The following BCL7C variants were observed in gnomAD, a reference collection of about 807,000 sequenced individuals.
BCL7C encodes B-cell CLL/lymphoma 7 protein family member C.
BCL7C carries 8 observed loss-of-function variants against 26.2 expected under a neutral mutation model. That is an observed-to-expected ratio of 0.30 (90% CI 0.18 to 0.55). The LOEUF (loss-of-function observed/expected upper bound fraction) is 0.55, where lower values mean the gene tolerates loss of function less well. BCL7C is among the 20% of genes least tolerant of loss of function. The pLI is 0.93. For missense variants in BCL7C, 262 were observed against 298.5 expected (o/e 0.88, Z 0.90); for synonymous variants, 90 against 116.5 (o/e 0.77, Z 1.47).
chr16:30,867,184 C>T (rs935232556), intron 5 of BCL7C, among the ~76,000 whole-genome samples: 17 of 151,940 alleles, frequency 1.1e-4, no homozygotes, highest in African/African-American at 3.9e-4. Context: ...AAAAAAATTC[C>T]AGGCCCAAAA....
intron 5 of BCL7C, among the ~76,000 whole-genome samples, chr16:30,846,232 A>ATTTT (rs1310438425): frequency 6.9e-6 from 1 of 144,336 alleles, no homozygotes; most frequent in Admixed American, 7.0e-5. Context: ...TTATTTATTT[A>ATTTT]TTTATTTTTT....
Position 30,893,371 on chromosome 16 carries a change from C to T in BCL7C, c.93-81G>A, listed in dbSNP as rs1423541138. 8.8e-7 allele frequency: 1 copy of T among 1,134,726 alleles called. No homozygotes were observed. Among genetic ancestry groups the T allele is most frequent in the African/African-American group, 1.6e-5 (1 of 64,426 alleles). 70.3% of individuals were successfully genotyped at this position (1,134,726 alleles called of 1,614,324 possible). On this transcript the variant is annotated intron_variant, in intron 1 of 5. Transcript: ENST00000215115. This position sits in a 1 kb window ranked among gnomAD's most constrained non-coding sequence, Gnocchi z 5.2. ...AGGAGCTGGACACATCTGGGGGTAC[C>T]TGCAGAGGTTGAGGAGGCACAGGAG...
intron 5 of BCL7C, among the ~76,000 whole-genome samples, chr16:30,878,119 G>A (rs1330350229): frequency 6.6e-6 from 1 of 151,766 alleles, no homozygotes; most frequent in Non-Finnish European, 1.5e-5. Flanking sequence ...AGGTTGCAGT[G>A]ACCCAAGATC....
At chr16:30,891,703 G>A (rs781307945) in intron 4 of BCL7C, among the ~76,000 whole-genome samples, 2 of 152,098 alleles carry the variant, frequency 1.3e-5, no homozygotes, top group South Asian at 2.1e-4. Flanking sequence ...AGTGACTCAC[G>A]CCTATAATCC....
At chr16:30,842,396 G>C (rs1465798041) in intron 5 of BCL7C, among the ~76,000 whole-genome samples, 4 of 152,076 alleles carry the variant, frequency 2.6e-5, no homozygotes, top group Non-Finnish European at 5.9e-5. Flanking sequence ...GAGCACACTG[G>C]CCACTCAAGA....
At chr16:30,843,134 C>A (rs2054612721) in intron 5 of BCL7C, among the ~76,000 whole-genome samples, 2 of 152,280 alleles carry the variant, frequency 1.3e-5, no homozygotes, top group South Asian at 4.1e-4. Flanking sequence ...ACATAGCAAA[C>A]AATCAAACAT....
chr16:30,879,700 A>AAAAAAAAAAAAAAAAAAAAAAAAT (rs758573108), intron 5 of BCL7C, among the ~76,000 whole-genome samples: 1 of 135,004 alleles, frequency 7.4e-6, no homozygotes, highest in Non-Finnish European at 1.7e-5. Context: ...AAAAAAAAAA[A>AAAAAAAAAAAAAAAAAAAAAAAAT]AAAAAAAAAC....
At chr16:30,887,688 A>G (rs1427262157), downstream of BCL7C, 1 of 1,055,240 alleles carries the variant, frequency 9.5e-7, no homozygotes, top group Non-Finnish European at 1.3e-6. Context: ...TCACTACAGG[A>G]AGGTCCTCTC....
At chr16:30,849,238 A>G (rs950658907) in intron 5 of BCL7C, among the ~76,000 whole-genome samples, 1 of 151,792 alleles carries the variant, frequency 6.6e-6, no homozygotes, top group Admixed American at 6.6e-5. Context: ...TCTGCCTAAT[A>G]TTGTTGAATT....
chr16:30,854,155 G>A (rs918645488), intron 5 of BCL7C, among the ~76,000 whole-genome samples: 1 of 152,136 alleles, frequency 6.6e-6, no homozygotes, highest in East Asian at 1.9e-4. Context: ...ATGATCCATT[G>A]GTTGAAACAA....
chr16:30,859,682 G>A (rs1306586968), intron 5 of BCL7C, among the ~76,000 whole-genome samples: 8 of 152,088 alleles, frequency 5.3e-5, no homozygotes, highest in Non-Finnish European at 7.3e-5. Context: ...CCTTAAGAAG[G>A]TACTTTGTAA....
chr16:30,834,769 T>A lies in BCL7C; in HGVS notation c.*179A>T. On this transcript the variant is annotated 3_prime_UTR_variant, in exon 6 of 6. Transcript: ENST00000380317. This position sits in a 1 kb window ranked among gnomAD's most constrained non-coding sequence, Gnocchi z 4.3. Reference sequence around the variant, plus strand: ...CCCTTCCCATGCATTCGGGCGCCAGTGGCGAGCCAGATGGGTGCTGTGGCC... The same window carrying A: ...CCCTTCCCATGCATTCGGGCGCCAGAGGCGAGCCAGATGGGTGCTGTGGCC... 3.4e-6 allele frequency: 2 copies of A among 589,808 alleles called. No homozygotes were observed. The highest frequency in any genetic ancestry group is 5.7e-6 in the Non-Finnish European group (2 of 349,798). 36.5% of individuals were successfully genotyped at this position (589,808 alleles called of 1,614,324 possible).
Position 30,893,566 on chromosome 16 carries a change from C to T in BCL7C, c.93-276G>A, listed in dbSNP as rs1483204655. ...CGTGGCTATGGGCCTGGCCCGGGAT[C>T]AGAGCCCTGCAGATCCTGGGGCGCA... On this transcript the variant is annotated intron_variant, in intron 1 of 5. Coordinates refer to ENST00000215115, the MANE Select transcript of BCL7C (RefSeq NM_004765.4). This position sits in a 1 kb window ranked among gnomAD's most constrained non-coding sequence, Gnocchi z 5.2. Among the ~76,000 whole-genome samples, 1 of 152,020 alleles carries T rather than the reference C, an allele frequency of 6.6e-6. No individual in the cohort carries two copies. Among genetic ancestry groups the T allele is most frequent in the African/African-American group, 2.4e-5 (1 of 41,376 alleles).
At chr16:30,872,936 G>T (rs899365769) in intron 5 of BCL7C, among the ~76,000 whole-genome samples, 15 of 152,178 alleles carry the variant, frequency 9.9e-5, no homozygotes, top group Admixed American at 5.2e-4. Flanking sequence ...TGATGACCTG[G>T]AGAACCGTAA....
intron 5 of BCL7C, among the ~76,000 whole-genome samples, chr16:30,844,564 G>A (rs2054623130): frequency 6.6e-6 from 1 of 152,090 alleles, no homozygotes; most frequent in South Asian, 2.1e-4. Flanking sequence ...TGTGATAGGT[G>A]TCATCACCCT....
chr16:30,861,894 C>T (rs1427121901), intron 5 of BCL7C, among the ~76,000 whole-genome samples: 4 of 117,036 alleles, frequency 3.4e-5, no homozygotes, highest in East Asian at 2.9e-4. Flanking sequence ...GACGGAGTTT[C>T]GCTCTGTCAC....
At chr16:30,854,664 C>T (rs374992642) in intron 5 of BCL7C, among the ~76,000 whole-genome samples, 1 of 151,612 alleles carries the variant, frequency 6.6e-6, no homozygotes, top group East Asian at 1.9e-4. Flanking sequence ...AAAAATTCTT[C>T]AGCTGCCTTC....
downstream of BCL7C, among the ~76,000 whole-genome samples, chr16:30,885,340 C>G (rs1346267603): frequency 1.3e-5 from 2 of 152,050 alleles, no homozygotes; most frequent in East Asian, 3.8e-4. Context: ...CTGCTGAGAC[C>G]TTGACTTTAA....
chr16:30,886,900 C>G (rs1002115622), downstream of BCL7C, among the ~76,000 whole-genome samples: 1 of 152,038 alleles, frequency 6.6e-6, no homozygotes, highest in Non-Finnish European at 1.5e-5. Flanking sequence ...AGGCTGGGCG[C>G]GGTGGCTCAC....
Sources: gnomAD v4.1 joint callset for allele counts (sites outside exome capture counted in the v4.1 genomes callset) on GRCh38, gnomAD v4.1.1 for gene constraint, Gnocchi (gnomAD v3.1) non-coding constraint, MANE v1.5 for transcripts, NCBI Gene and HGNC (gene_info 2026-07-23, HGNC 2026-07-21) for gene names.